VIT: variants seen among roughly 807,000 people sequenced by gnomAD.
VIT encodes vitrin.
A neutral mutation model predicts 78.0 loss-of-function variants in VIT; 99 were observed. The ratio of observed to expected loss-of-function variants is 1.27; its 90% confidence interval spans 1.08 to 1.50. VIT has a LOEUF of 1.50. Ranked by LOEUF, VIT falls within the 40% of genes most tolerant of loss-of-function variation. The probability of loss-of-function intolerance (pLI) is 0.00; values close to 1 mark genes in which losing one functional copy is unlikely to be tolerated. For missense variants in VIT, 1,126 were observed against 875.3 expected (o/e 1.29, Z -3.61); for synonymous variants, 374 against 334.3 (o/e 1.12, Z -1.29).
intron 1 of VIT, among the ~76,000 whole-genome samples, chr2:36,703,929 T>C (rs1022585417): frequency 2.1e-4 from 2 of 9,600 alleles, no homozygotes; most frequent in African/African-American, 3.9e-4. Flanking sequence ...GTTTGTTTTT[T>C]GTTTTTGTTT....
At chr2:36,712,561 G>A (rs929027219) in intron 1 of VIT, among the ~76,000 whole-genome samples, 12 of 119,006 alleles carry the variant, frequency 1.0e-4, no homozygotes, top group Non-Finnish European at 1.7e-4. Flanking sequence ...TAATTTGGCC[G>A]GGGGTGGTGG....
chr2:36,700,647 C>T (rs1042937733), intron 1 of VIT, among the ~76,000 whole-genome samples: 1 of 152,032 alleles, frequency 6.6e-6, no homozygotes, highest in Non-Finnish European at 1.5e-5. Flanking sequence ...GAGGCTGAGG[C>T]AGGAAGATAA....
intron 2 of VIT, among the ~76,000 whole-genome samples, chr2:36,726,924 G>A (rs1287755819): frequency 2.0e-5 from 3 of 151,670 alleles, no homozygotes; most frequent in Non-Finnish European, 4.4e-5. Context: ...TCATCACGAG[G>A]TCTGAGAAAG....
At chr2:36,717,334 A>ATGTGTG (rs70946944) in intron 2 of VIT, among the ~76,000 whole-genome samples, 68 of 64,130 alleles carry the variant, frequency 1.1e-3, no homozygotes, top group African/African-American at 1.5e-3. Context: ...CGCCTGGCTA[A>ATGTGTG]TGTGTGTGTG....
intron 6 of VIT, chr2:36,759,269 GTC>G: frequency 6.7e-7 from 1 of 1,487,898 alleles, no homozygotes; most frequent in Non-Finnish European, 8.9e-7. Context: ...CCGAGATTGT[GTC>G]TCTATATTTG....
intron 13 of VIT, among the ~76,000 whole-genome samples, chr2:36,805,220 A>G (rs1265641464): frequency 2.0e-5 from 3 of 148,488 alleles, no homozygotes; most frequent in Non-Finnish European, 4.5e-5. Context: ...GGGAGGGTTG[A>G]TGAAACTCAG....
intron 4 of VIT, among the ~76,000 whole-genome samples, chr2:36,750,797 G>C (rs1668413572): frequency 6.6e-6 from 1 of 151,468 alleles, no homozygotes; most frequent in African/African-American, 2.4e-5. Flanking sequence ...CTCCAGCCTG[G>C]GTGACAGAAC....
At position 36,722,316 on chromosome 2, in the gene VIT, C is replaced by T. The variant is rs1430210016; in HGVS notation, c.52+5894C>T. Among the ~76,000 whole-genome samples, 5 of 152,166 alleles carry T rather than the reference C, an allele frequency of 3.3e-5. No homozygotes were observed. The East Asian group carries it at 9.6e-4, about 29-fold the overall frequency. ...ACTCGCATTCTGGTTCCAACTTCTTCCCCCAAACGACTGCAGCATTAGCCA... is the reference window on the plus strand; with the variant it reads ...ACTCGCATTCTGGTTCCAACTTCTTTCCCCAAACGACTGCAGCATTAGCCA... On this transcript the variant is annotated intron_variant, in intron 2 of 15. Transcript: ENST00000379242.
intron 3 of VIT, among the ~76,000 whole-genome samples, chr2:36,735,573 A>G (rs1667464197): frequency 6.6e-6 from 1 of 152,178 alleles, no homozygotes; most frequent in African/African-American, 2.4e-5. Context: ...GGGTAACCCC[A>G]CTGTTTCCTG....
intron 9 of VIT, among the ~76,000 whole-genome samples, chr2:36,780,301 A>C (rs1050258007): frequency 1.2e-4 from 19 of 152,212 alleles, no homozygotes; most frequent in African/African-American, 4.6e-4. Context: ...AATCTTCCTG[A>C]CATTCAAGAG....
chr2:36,742,710 T>G (rs560059303), intron 3 of VIT, among the ~76,000 whole-genome samples: 1 of 152,318 alleles, frequency 6.6e-6, no homozygotes, highest in Non-Finnish European at 1.5e-5. Flanking sequence ...CTGGAATACT[T>G]TTCCTTCCTT....
chr2:36,711,703 G>C (rs1299938865), intron 1 of VIT, among the ~76,000 whole-genome samples: 1 of 152,172 alleles, frequency 6.6e-6, no homozygotes, highest in Non-Finnish European at 1.5e-5. Context: ...GACAACTCTA[G>C]AAATGCACAC....
intron 15 of VIT, 141 bp from the exon 16 acceptor site, chr2:36,814,042 T>C: frequency 1.1e-6 from 1 of 901,918 alleles, no homozygotes; most frequent in Non-Finnish European, 1.6e-6. Flanking sequence ...TAGAGGCCTG[T>C]AGCGTATTTT....
intron 3 of VIT, among the ~76,000 whole-genome samples, chr2:36,733,051 G>A (rs1667300727): frequency 6.6e-6 from 1 of 152,244 alleles, no homozygotes; most frequent in South Asian, 2.1e-4. Context: ...ATGGTGAAGA[G>A]TTTTACTGCC....
chr2:36,714,569 C>G (rs1446660734), intron 1 of VIT, among the ~76,000 whole-genome samples: 1 of 152,098 alleles, frequency 6.6e-6, no homozygotes, highest in African/African-American at 2.4e-5. Context: ...AGCCATCTGT[C>G]CAGAGGGGAG....
Position 36,814,176 on chromosome 2 carries a change from C to G in VIT, c.1904-7C>G. 1.2e-6 allele frequency: 2 copies of G among 1,610,784 alleles called. No homozygotes were observed. Among genetic ancestry groups the G allele is most frequent in the South Asian group, 2.2e-5 (2 of 90,314 alleles). On this transcript the variant is annotated splice_polypyrimidine_tract_variant and splice_region_variant and intron_variant, in intron 15 of 15. Transcript: ENST00000379242. ...GACATTTGTTCATCTAACCTTTGTC[C>G]CCACAGGAGTGATCACCTATGCGAT...
chr2:36,777,398 G>C (rs951054577), intron 9 of VIT, among the ~76,000 whole-genome samples: 1 of 151,764 alleles, frequency 6.6e-6, no homozygotes. Flanking sequence ...CCCTCCAATA[G>C]GTCTTTGCTG....
At chr2:36,797,652 A>C (rs1158436698) in intron 12 of VIT, among the ~76,000 whole-genome samples, 1 of 152,202 alleles carries the variant, frequency 6.6e-6, no homozygotes, top group Non-Finnish European at 1.5e-5. Flanking sequence ...TGTGAGGTTC[A>C]AGAAAGGGGA....
intron 15 of VIT, among the ~76,000 whole-genome samples, chr2:36,810,185 G>A (rs1484060174): frequency 1.3e-5 from 2 of 152,152 alleles, no homozygotes; most frequent in Non-Finnish European, 2.9e-5. Context: ...CAGCTACTCA[G>A]GAGGCTGAGG....
Sources: allele counts gnomAD v4.1 joint callset (sites outside exome capture counted in the v4.1 genomes callset), GRCh38; gene constraint gnomAD v4.1.1; transcripts MANE v1.5; gene names NCBI Gene and HGNC (gene_info 2026-07-23, HGNC 2026-07-21).